PSMB7: variants seen among roughly 807,000 people sequenced by gnomAD.
PSMB7 encodes the protein proteasome 20S subunit beta 7.
Under a neutral mutation model 28.1 loss-of-function variants are expected in PSMB7, and 5 were observed. The observed-to-expected ratio is 0.18, with a 90% CI of 0.09 to 0.37. PSMB7 has a LOEUF of 0.37. PSMB7 is among the 10% of genes least tolerant of loss of function. PSMB7 has a pLI of 1.00. For missense variants in PSMB7, 275 were observed against 346.2 expected (o/e 0.79, Z 1.63); for synonymous variants, 122 against 123.7 (o/e 0.99, Z 0.09).
chr9:124,393,789 T>C (rs117277679), intron 5 of PSMB7, among the ~76,000 whole-genome samples: 1 of 152,264 alleles, frequency 6.6e-6, no homozygotes, highest in African/African-American at 2.4e-5. Context: ...TGAGAGGTTT[T>C]ATTTCATTAA....
chr9:124,410,646 G>T (rs552810757), intron 4 of PSMB7, among the ~76,000 whole-genome samples: 1 of 152,294 alleles, frequency 6.6e-6, no homozygotes, highest in South Asian at 2.1e-4. Flanking sequence ...ATAATGATAC[G>T]TACACAAACA....
intron 5 of PSMB7, among the ~76,000 whole-genome samples, chr9:124,386,974 C>T (rs532207892): frequency 3.2e-4 from 48 of 152,232 alleles, no homozygotes; most frequent in East Asian, 9.6e-4. Flanking sequence ...TGGCCGGGCG[C>T]GGTGGCTCAC....
chr9:124,385,153 T>C (rs2131162482), intron 5 of PSMB7, among the ~76,000 whole-genome samples: 1 of 152,342 alleles, frequency 6.6e-6, no homozygotes, highest in East Asian at 1.9e-4. Flanking sequence ...GCACCAGCAA[T>C]GGTAATAGGA....
At chr9:124,361,292 G>A (rs1297390057) in intron 6 of PSMB7, among the ~76,000 whole-genome samples, 1 of 152,148 alleles carries the variant, frequency 6.6e-6, no homozygotes, top group South Asian at 2.1e-4. Context: ...TCACCGCATC[G>A]CACAATGTGT....
In PSMB7 at chr9:124,357,129, G is replaced by A. The variant is rs576276189; in HGVS notation, c.571-214C>T. On this transcript the variant is annotated intron_variant, in intron 6 of 7. Transcript: ENST00000259457. ...CTTTAAAACTTTTTATGCATGCACC[G>A]CCTCTTGACCACATCAGACAATCAC... Among the ~76,000 whole-genome samples the A allele has an allele frequency of 4.7e-4, 71 of 152,208 alleles. 1 individual carries two copies. Among genetic ancestry groups the A allele is most frequent in the African/African-American group, 1.7e-3 (70 of 41,506 alleles).
chr9:124,411,862 A>G (rs1831030387), intron 4 of PSMB7, among the ~76,000 whole-genome samples: 1 of 152,208 alleles, frequency 6.6e-6, no homozygotes, highest in Non-Finnish European at 1.5e-5. Context: ...GTCCTGGAAC[A>G]GAGTAAGAGG....
intron 6 of PSMB7, among the ~76,000 whole-genome samples, chr9:124,377,510 T>C (rs964640615): frequency 1.3e-5 from 2 of 152,252 alleles, no homozygotes; most frequent in African/African-American, 2.4e-5. Context: ...CACACACAGT[T>C]ACTTCTAAGA....
At chr9:124,385,007 G>A (rs1830705092) in intron 5 of PSMB7, among the ~76,000 whole-genome samples, 1 of 152,246 alleles carries the variant, frequency 6.6e-6, no homozygotes, top group African/African-American at 2.4e-5. Flanking sequence ...GTTCTATGCT[G>A]TGAGTCTAGT....
chr9:124,389,027 G>A (rs1830756437), intron 5 of PSMB7, among the ~76,000 whole-genome samples: 1 of 152,044 alleles, frequency 6.6e-6, no homozygotes, highest in African/African-American at 2.4e-5. Flanking sequence ...CCCAAATGAG[G>A]GAGCCAAAAA....
intron 4 of PSMB7, among the ~76,000 whole-genome samples, chr9:124,410,566 A>G (rs1271033273): frequency 6.6e-6 from 1 of 152,254 alleles, no homozygotes; most frequent in African/African-American, 2.4e-5. Flanking sequence ...TCTGATCAAT[A>G]GGTGTGCTTT....
At chr9:124,367,393 A>G (rs1329610892) in intron 6 of PSMB7, among the ~76,000 whole-genome samples, 1 of 152,106 alleles carries the variant, frequency 6.6e-6, no homozygotes, top group East Asian at 1.9e-4. Flanking sequence ...AAATGATTCT[A>G]TTTCCCCCCA....
chr9:124,384,270 T>C (rs572213682), intron 6 of PSMB7: 6 of 276,060 alleles, frequency 2.2e-5, no homozygotes, highest in Non-Finnish European at 4.0e-5. Flanking sequence ...AAACCTGTCA[T>C]TTTGAGATAT....
At chr9:124,369,926 C>T (rs1830545133) in intron 6 of PSMB7, among the ~76,000 whole-genome samples, 1 of 152,228 alleles carries the variant, frequency 6.6e-6, no homozygotes, top group South Asian at 2.1e-4. Context: ...CTTTTCATGA[C>T]ATAGTCCCTG....
intron 3 of PSMB7, among the ~76,000 whole-genome samples, chr9:124,413,674 G>A (rs554914249): frequency 6.6e-6 from 1 of 152,302 alleles, no homozygotes; most frequent in African/African-American, 2.4e-5. Flanking sequence ...GGATAGGAGG[G>A]AATGGATTCA....
chr9:124,384,159 G>GA (rs148820878), intron 6 of PSMB7: 91 of 157,320 alleles, frequency 5.8e-4, no homozygotes, highest in African/African-American at 2.0e-3. Context: ...GCCAGATGCA[G>GA]AATCATCTAC....
In PSMB7 at chr9:124,371,332, T is replaced by C. The variant is rs577930504; in HGVS notation, c.570+13266A>G. On this transcript the variant is annotated intron_variant, in intron 6 of 7. Coordinates refer to ENST00000259457, the MANE Select transcript of PSMB7 (RefSeq NM_002799.4). ...TCATTTCTTGTATTTCTTTAACCCA[T>C]ATACAAGAAAGTGGAAATCCATTGT... Among the ~76,000 whole-genome samples, 40 of 152,304 alleles carry C rather than the reference T, an allele frequency of 2.6e-4. 4 individuals are homozygous for C. Among genetic ancestry groups the C allele is most frequent in the South Asian group, 2.5e-3 (12 of 4,828 alleles).
At chr9:124,384,726 G>A (rs1830702681) in intron 5 of PSMB7, 70 bp from the exon 6 acceptor site, 1 of 1,487,166 alleles carries the variant, frequency 6.7e-7, no homozygotes, top group Non-Finnish European at 9.3e-7. Flanking sequence ...GTTTACCTAG[G>A]GGCAAGAAAA....
In PSMB7 at chr9:124,405,322, GT is replaced by G. The variant is rs1830952832; in HGVS notation, c.505del (p.Thr169ProfsTer30). ...HGSTDKLPYV[T>X]MGSGSLAAMA... ...CAGGAAAACGTTACACTCACCCATG[GT>G]GACATAAGGCAACTTATCAGTTGAT... On this transcript the variant is annotated frameshift_variant, in exon 5 of 8. Transcript: ENST00000259457. LOFTEE classifies it high-confidence loss of function. The G allele has an allele frequency of 6.2e-7, 1 of 1,604,666 alleles. No homozygotes were observed. The highest frequency in any genetic ancestry group is 1.7e-5 in the Admixed American group (1 of 59,914).
At chr9:124,408,672 T>C (rs1451236413) in intron 4 of PSMB7, among the ~76,000 whole-genome samples, 4 of 152,202 alleles carry the variant, frequency 2.6e-5, no homozygotes, top group South Asian at 4.1e-4. Flanking sequence ...AAAACTCATC[T>C]ACTGACAGGA....
Sources: gnomAD v4.1 joint callset for allele counts (sites outside exome capture counted in the v4.1 genomes callset) on GRCh38, gnomAD v4.1.1 for gene constraint, MANE v1.5 for transcripts, NCBI Gene and HGNC (gene_info 2026-07-23, HGNC 2026-07-21) for gene names.